The following GPHN variants were observed in gnomAD, a reference collection of about 807,000 sequenced individuals.
GPHN encodes the protein gephyrin.
GPHN carries 17 observed loss-of-function variants against 95.5 expected under a neutral mutation model. The ratio of observed to expected loss-of-function variants is 0.18; its 90% CI spans 0.12 to 0.27. The LOEUF (loss-of-function observed/expected upper bound fraction) is 0.27. GPHN is among the 10% of genes least tolerant of loss of function. The pLI, the probability that GPHN is intolerant of heterozygous loss-of-function variation, is 1.00. For synonymous variants in GPHN, 320 were observed against 322.5 expected (o/e 0.99, Z 0.08); for missense variants, 660 against 978.1 (o/e 0.67, Z 4.34).
intron 9 of GPHN, among the ~76,000 whole-genome samples, chr14:66,972,946 C>T (rs993077604): frequency 2.0e-5 from 3 of 152,070 alleles, no homozygotes; most frequent in South Asian, 4.1e-4. Context: ...CAAATGTCAA[C>T]GTAGCCAAAA....
At chr14:66,971,355 T>TTA (rs1414635542) in intron 9 of GPHN, among the ~76,000 whole-genome samples, 1 of 152,192 alleles carries the variant, frequency 6.6e-6, no homozygotes, top group Non-Finnish European at 1.5e-5. Context: ...GTAAAGCCTT[T>TTA]ACATGTTAAC....
the GPHN span, chr14:67,600,189 C>G: frequency 6.3e-7 from 1 of 1,582,148 alleles, no homozygotes; most frequent in East Asian, 2.3e-5. Flanking sequence ...CCGAAAAGCT[C>G]CGCTCATCCT....
the GPHN span, among the ~76,000 whole-genome samples, chr14:67,247,639 C>T: frequency 1.6e-3 from 244 of 151,994 alleles, no homozygotes; most frequent in African/African-American, 5.6e-3. Flanking sequence ...AGTGTAGTGG[C>T]GCAGCACTGC....
At chr14:66,867,498 C>T (rs907491988) in intron 4 of GPHN, among the ~76,000 whole-genome samples, 1 of 152,020 alleles carries the variant, frequency 6.6e-6, no homozygotes, top group Non-Finnish European at 1.5e-5. Context: ...GGGAGTTTGT[C>T]GTGGATGTAA....
the GPHN span, among the ~76,000 whole-genome samples, chr14:67,211,207 G>T: frequency 1.3e-5 from 2 of 152,006 alleles, no homozygotes; most frequent in Non-Finnish European, 2.9e-5. Flanking sequence ...ACAATACCAG[G>T]CTCATGGTAA....
At chr14:66,680,766 C>G (rs1199912122) in intron 1 of GPHN, among the ~76,000 whole-genome samples, 1 of 151,642 alleles carries the variant, frequency 6.6e-6, no homozygotes, top group African/African-American at 2.4e-5. Context: ...TCTTTTTTTC[C>G]TAGTTGTTGT....
intron 11 of GPHN, among the ~76,000 whole-genome samples, chr14:67,086,380 G>A (rs1018430944): frequency 9.2e-5 from 14 of 151,968 alleles, no homozygotes; most frequent in Non-Finnish European, 1.3e-4. Context: ...GGTCGGGCGC[G>A]GTGGCTCACG....
chr14:66,854,357 C>G (rs943800709), intron 4 of GPHN, among the ~76,000 whole-genome samples: 6 of 152,076 alleles, frequency 3.9e-5, no homozygotes, highest in Admixed American at 1.3e-4. Context: ...TTTGTCTAAG[C>G]TATTAACTGC....
the GPHN span, among the ~76,000 whole-genome samples, chr14:67,694,686 A>C: frequency 1.3e-5 from 2 of 152,214 alleles, no homozygotes; most frequent in East Asian, 3.9e-4. Flanking sequence ...AGGTGGGAGA[A>C]CTGAGTGTTC....
chr14:67,640,888 C>CTTGTGTTTAGACTTGAGTT, the GPHN span, among the ~76,000 whole-genome samples: 33 of 152,260 alleles, frequency 2.2e-4, no homozygotes, highest in South Asian at 1.5e-3. Flanking sequence ...GGTTGAGCGT[C>CTTGTGTTTAGACTTGAGTT]CCTAATCCAG....
chr14:67,620,338 C>T, the GPHN span, among the ~76,000 whole-genome samples: 2 of 151,934 alleles, frequency 1.3e-5, no homozygotes, highest in African/African-American at 2.4e-5. Flanking sequence ...TCTGCGGCCT[C>T]CCCAGAAAGA....
chr14:66,720,017 G>T (rs1268552906), intron 2 of GPHN, among the ~76,000 whole-genome samples: 1 of 151,934 alleles, frequency 6.6e-6, no homozygotes, highest in Non-Finnish European at 1.5e-5. Flanking sequence ...AATCTAGAAG[G>T]TTATTTTAAT....
chr14:67,348,804 G>A, the GPHN span: 4 of 408,928 alleles, frequency 9.8e-6, no homozygotes, highest in African/African-American at 6.3e-5. Context: ...ACAGGCATGA[G>A]CCACCGTGCC....
chr14:66,529,512 G>A (rs1312105345), intron 1 of GPHN, among the ~76,000 whole-genome samples: 1 of 152,016 alleles, frequency 6.6e-6, no homozygotes, highest in Non-Finnish European at 1.5e-5. Flanking sequence ...CCTTGCTGGC[G>A]AGGAGTTGTG....
chr14:67,156,895 G>A (rs1257822728), intron 18 of GPHN, among the ~76,000 whole-genome samples: 2 of 151,704 alleles, frequency 1.3e-5, no homozygotes, highest in East Asian at 1.9e-4. Flanking sequence ...TTTGAACCCA[G>A]GAGACAGAGG....
chr14:67,331,051 TTTC>T, the GPHN span, among the ~76,000 whole-genome samples: 2 of 152,122 alleles, frequency 1.3e-5, no homozygotes, highest in African/African-American at 4.8e-5. Flanking sequence ...GTGATATTTC[TTTC>T]TTTTTTTTGA....
At chr14:66,777,564 A>G (rs941056547) in intron 3 of GPHN, among the ~76,000 whole-genome samples, 10 of 152,168 alleles carry the variant, frequency 6.6e-5, no homozygotes, top group African/African-American at 2.2e-4. Flanking sequence ...CATTGATGCA[A>G]AAATCCTCAA....
At chr14:67,709,580 T>G in the GPHN span, among the ~76,000 whole-genome samples, 4 of 152,192 alleles carry the variant, frequency 2.6e-5, no homozygotes, top group Non-Finnish European at 5.9e-5. Context: ...CTCTTAAAAT[T>G]GGCCCTCACA....
intron 9 of GPHN, among the ~76,000 whole-genome samples, chr14:66,992,410 C>G (rs1193829387): frequency 1.3e-5 from 2 of 152,054 alleles, no homozygotes; most frequent in Non-Finnish European, 2.9e-5. Flanking sequence ...CAAAATAAGA[C>G]TACCTTTTTA....
Sources: gnomAD v4.1 joint callset for allele counts (sites outside exome capture counted in the v4.1 genomes callset) on GRCh38, gnomAD v4.1.1 for gene constraint, MANE v1.5 for transcripts, NCBI Gene and HGNC (gene_info 2026-07-23, HGNC 2026-07-21) for gene names.